The following TRIM28 variants were observed in gnomAD, a reference collection of about 807,000 sequenced individuals.
The protein encoded by TRIM28 is tripartite motif containing 28, also known as transcription intermediary factor 1-beta.
A neutral mutation model predicts 87.4 loss-of-function variants in TRIM28; 8 were observed. The ratio of observed to expected loss-of-function variants is 0.09; its 90% CI spans 0.05 to 0.17. The LOEUF (loss-of-function observed/expected upper bound fraction) is 0.17. Ranked by LOEUF, TRIM28 falls within the 10% of genes least tolerant of loss-of-function variation. The probability of loss-of-function intolerance (pLI) is 1.00; values close to 1 mark genes in which losing one functional copy is unlikely to be tolerated. For missense variants in TRIM28, 968 were observed against 1,131.8 expected, an observed-to-expected ratio of 0.86 and a Z score of 2.08; for synonymous variants, 601 against 454.3, an observed-to-expected ratio of 1.32 and a Z score of -4.11.
chr19:58,549,020 T>G lies in TRIM28; in HGVS notation c.1442T>G (p.Leu481Arg). ...TCAGGTGAGGGCGAGGTGAGCGGCCTTATGCGCAAGGTGCCACGAGTGAGC... is the reference window on the plus strand; with the variant it reads ...TCAGGTGAGGGCGAGGTGAGCGGCCGTATGCGCAAGGTGCCACGAGTGAGC... ...SRSGEGEVSG[L>R]MRKVPRVSLE... The change falls in exon 12 of 17, where the codon CTT becomes CGT. Residue 481 changes from leucine to arginine, a missense_variant. Physicochemically the swap from Leu to Arg is moderately radical, Grantham distance 102 (BLOSUM62 -2). Coordinates refer to ENST00000253024, the MANE Select transcript of TRIM28 (RefSeq NM_005762.3). This position sits in a 1 kb window ranked among gnomAD's most constrained non-coding sequence, Gnocchi z 4.4. 1 of 1,614,044 alleles carries G rather than the reference T, an allele frequency of 6.2e-7. No individual in the cohort carries two copies. Among genetic ancestry groups the G allele is most frequent in the Non-Finnish European group, 8.5e-7 (1 of 1,179,984 alleles).
In TRIM28 at chr19:58,548,899, A is replaced by G; in HGVS notation, c.1398A>G (p.Ser466=). ...ACTCAAGTGCAGAGCCCCATGTGTC[A>G]GGTGTGAAACGGTAAGTATGGCACC... The part of the protein sequence containing the change: ...DPYSSAEPHV[S]GVKRSRSGEG... Residue 466 remains serine, a synonymous_variant, in exon 11 of 17, where the codon TCA becomes TCG. Coordinates refer to ENST00000253024, the MANE Select transcript of TRIM28 (RefSeq NM_005762.3). The G allele has an allele frequency of 1.2e-6, 2 of 1,614,090 alleles. No individual in the cohort carries two copies. The highest frequency in any genetic ancestry group is 1.7e-6 in the Non-Finnish European group (2 of 1,179,998).
At position 58,548,794 on chromosome 19, in the gene TRIM28, G is replaced by A. The variant is rs1271641998; in HGVS notation, c.1360+18G>A. The stretch of plus-strand genomic sequence containing the variant: ...TGGGTCAGGTGAGTGGGTCTGCCTA[G>A]TGGGTGGGGAAGGGCCCCAGTGCTG... On this transcript the variant is annotated intron_variant, in intron 10 of 16. Transcript: ENST00000253024. The A allele has an allele frequency of 6.2e-7, 1 of 1,614,102 alleles. No homozygotes were observed. Among genetic ancestry groups the A allele is most frequent in the Admixed American group, 1.7e-5 (1 of 60,022 alleles).
Position 58,547,368 on chromosome 19 carries a change from C to T in TRIM28, c.587-8C>T, listed in dbSNP as rs908741338. On this transcript the variant is annotated splice_polypyrimidine_tract_variant and splice_region_variant and intron_variant, in intron 3 of 16. Coordinates refer to ENST00000253024, the MANE Select transcript of TRIM28 (RefSeq NM_005762.3). ...GCAAGGTCCAGCCTTATGATTCCCA[C>T]TCCCCAGGGCCAGCCAAGTCTCGGG... is the stretch of plus-strand genomic sequence containing the variant. 1.9e-6 allele frequency: 3 copies of T among 1,612,248 alleles called. No individual in the cohort carries two copies. The highest frequency in any genetic ancestry group is 2.5e-6 in the Non-Finnish European group (3 of 1,178,668).
chr19:58,549,440 G>C lies in TRIM28; in HGVS notation c.1772G>C (p.Arg591Pro). The change falls in exon 13 of 17, where the codon CGC becomes CCC. Residue 591 changes from arginine (R) to proline (P), a missense_variant. Physicochemically the swap from Arg to Pro is moderately radical, Grantham distance 103. This residue lies in a region of TRIM28 where 164 missense variants were observed against 146.2 expected (regional missense o/e 1.12). Coordinates refer to ENST00000253024, the MANE Select transcript of TRIM28 (RefSeq NM_005762.3). This position sits in a 1 kb window ranked among gnomAD's most constrained non-coding sequence, Gnocchi z 4.4. ...LAEGPGAEGPRLASPSGSTSS... is the reference protein window; with the variant it reads ...LAEGPGAEGPPLASPSGSTSS... ...GAGGGTCCTGGTGCTGAGGGTCCCC[G>C]CCTGGCCTCACCTAGTGGCAGCACC... 6.2e-7 allele frequency: 1 copy of C among 1,608,878 alleles called. No homozygotes were observed. The highest frequency in any genetic ancestry group is 8.5e-7 in the Non-Finnish European group (1 of 1,176,204).
At position 58,544,102 on chromosome 19, in the gene TRIM28, G is replaced by A. The variant is rs1210953090; in HGVS notation, c.-656G>A. 3 of 152,544 alleles carry A rather than the reference G, an allele frequency of 2.0e-5. No homozygotes were observed. In the East Asian group the frequency reaches 5.8e-4, roughly 29 times the overall value. 9.4% of individuals were successfully genotyped at this position (152,544 alleles called of 1,614,324 possible). Reference sequence around the variant, plus strand: ...CTGGAGACGACTCTACGGCGGCGAAGAGACGCGGGTTGAGGAAGAGGGACG... The same window carrying A: ...CTGGAGACGACTCTACGGCGGCGAAAAGACGCGGGTTGAGGAAGAGGGACG... On this transcript the variant is annotated 5_prime_UTR_variant, in exon 1 of 17. Transcript: ENST00000253024.
intron 9 of TRIM28, 73 bp downstream of exon 9, chr19:58,548,665 AG>A (rs1324480997): frequency 7.7e-5 from 39 of 506,138 alleles, no homozygotes; most frequent in Middle Eastern, 1.4e-3. Flanking sequence ...GGACCCAGGC[AG>A]GGGGGGTGGG....
rs371739377 is a variant in TRIM28 at position 58,549,351 on chromosome 19, C to T, written c.1683C>T (p.Ala561=). 6.4e-7 allele frequency: 1 copy of T among 1,566,662 alleles called. No homozygotes were observed. The highest frequency in any genetic ancestry group is 1.8e-5 in the Admixed American group (1 of 55,638). Residue 561 remains alanine, a synonymous_variant, in exon 13 of 17, where the codon GCC becomes GCT. Transcript: ENST00000253024. The surrounding 1 kb of genome is among the most constrained non-coding windows in gnomAD (Gnocchi z 4.4). ...AIVKEEETEA[A]IGAPPTATEG... is the part of the protein sequence containing the mutation. Reference sequence around the variant, plus strand: ...TGCAGGAGGAGGAGACGGAGGCTGCCATTGGAGCCCCTCCTACTGCCACTG... The same window carrying T: ...TGCAGGAGGAGGAGACGGAGGCTGCTATTGGAGCCCCTCCTACTGCCACTG...
rs1439568446 is a variant in TRIM28, at chr19:58,549,898, A to G, written c.2106+38A>G. 2 of 1,613,756 alleles carry G rather than the reference A, an allele frequency of 1.2e-6. No individual in the cohort carries two copies. Among genetic ancestry groups the G allele is most frequent in the South Asian group, 1.1e-5 (1 of 91,058 alleles). ...GTTACTTAGGTGGGGTTGCCCAGAG[A>G]GGCTTTATAGGTGCTGCCCAGAGCT... On this transcript the variant is annotated intron_variant, in intron 14 of 16. Coordinates refer to ENST00000253024, the MANE Select transcript of TRIM28 (RefSeq NM_005762.3). The surrounding 1 kb of genome is among the most constrained non-coding windows in gnomAD (Gnocchi z 4.4).
rs752953442 is a variant in TRIM28, at chr19:58,549,262, A to G, written c.1662+22A>G. 46 of 1,607,358 alleles carry G rather than the reference A, an allele frequency of 2.9e-5. No individual in the cohort carries two copies. The highest frequency in any genetic ancestry group is 3.4e-5 in the Non-Finnish European group (40 of 1,175,514). On this transcript the variant is annotated intron_variant, in intron 12 of 16. Coordinates refer to ENST00000253024, the MANE Select transcript of TRIM28 (RefSeq NM_005762.3). This position sits in a 1 kb window ranked among gnomAD's most constrained non-coding sequence, Gnocchi z 4.4. ...CAAGGTAAGCCTGTCCCAAGGAACT[A>G]TAGCTGTAGGATGAAGCCTGTAGTC... is the stretch of plus-strand genomic sequence containing the variant.
chr19:58,544,876 C>G lies in TRIM28; in HGVS notation c.119C>G (p.Ala40Gly), dbSNP rs780330642. ...EKRSTAPSAA[A>G]SASASAAASS... is the part of the protein sequence containing the mutation. ...CGCTCCACCGCCCCTTCGGCCGCAG[C>G]CTCGGCCTCTGCCTCAGCCGCGGCG... Residue 40 changes from alanine to glycine, a missense_variant, in exon 1 of 17, where the codon GCC (alanine) becomes GGC (glycine). Ala to Gly is a moderately conservative substitution (Grantham distance 60, BLOSUM62 0). This residue lies in a region of TRIM28 where 208 missense variants were observed against 170.9 expected (regional missense o/e 1.22). Coordinates refer to ENST00000253024, the MANE Select transcript of TRIM28 (RefSeq NM_005762.3). The G allele has an allele frequency of 3.0e-6, 4 of 1,344,742 alleles. No individual in the cohort carries two copies. The South Asian group carries it at 7.2e-5, about 24-fold the overall frequency. The allele number at this position is 1,344,742 out of a possible 1,614,324, so 83.3% of individuals were successfully genotyped here. A position where few individuals can be genotyped will look rare whatever the true frequency, so the allele number is the denominator to read the frequency against.
rs574014071 is a variant in TRIM28 at position 58,549,890 on chromosome 19, G to T, written c.2106+30G>T. ...GGGCTGGGGTTACTTAGGTGGGGTT[G>T]CCCAGAGAGGCTTTATAGGTGCTGC... is the stretch of plus-strand genomic sequence containing the variant. On this transcript the variant is annotated intron_variant, in intron 14 of 16. Transcript: ENST00000253024. This position sits in a 1 kb window ranked among gnomAD's most constrained non-coding sequence, Gnocchi z 4.4. 6.4e-5 allele frequency: 104 copies of T among 1,613,772 alleles called. 2 individuals are homozygous for T. In the South Asian group the frequency reaches 1.1e-3, roughly 17 times the overall value.
chr19:58,550,617 T>C lies in TRIM28; in HGVS notation c.*64T>C. 6.6e-7 allele frequency: 1 copy of C among 1,516,142 alleles called. No individual in the cohort carries two copies. The highest frequency in any genetic ancestry group is 8.9e-7 in the Non-Finnish European group (1 of 1,125,670). 93.9% of individuals were successfully genotyped at this position (1,516,142 alleles called of 1,614,324 possible). A position where few individuals can be genotyped will look rare whatever the true frequency, so the allele number is the denominator to read the frequency against. ...CTCTGTCCTGTCACCCCATCCCCAC[T>C]CCCCTGGTGGCCTGACTCCCACTCC... On this transcript the variant is annotated 3_prime_UTR_variant, in exon 17 of 17. Transcript: ENST00000253024.
rs1262056286 is a variant in TRIM28, at chr19:58,549,070, A to G, written c.1492A>G (p.Thr498Ala). ...CCTTGAACGCCTGGACCTGGACCTC[A>G]CAGCTGACAGCCAGCCACCCGTCTT... ...VSLERLDLDL[T>A]ADSQPPVFKV... Residue 498 changes from threonine to alanine, a missense_variant, in exon 12 of 17, where the codon ACA becomes GCA. Physicochemically the swap from Thr to Ala is moderately conservative, Grantham distance 58 (BLOSUM62 0). This residue lies in a region of TRIM28 where 23 missense variants were observed against 56.7 expected (regional missense o/e 0.41). Transcript: ENST00000253024. The surrounding 1 kb of genome is among the most constrained non-coding windows in gnomAD (Gnocchi z 4.4). 1 of 1,614,090 alleles carries G rather than the reference A, an allele frequency of 6.2e-7. No homozygotes were observed. Among genetic ancestry groups the G allele is most frequent in the South Asian group, 1.1e-5 (1 of 91,090 alleles).
intron 9 of TRIM28, 38 bp downstream of exon 9, chr19:58,548,630 G>T: frequency 7.2e-7 from 1 of 1,383,576 alleles, no homozygotes; most frequent in Non-Finnish European, 9.7e-7. Flanking sequence ...GGTGGGCAGG[G>T]AATGGGGTCC....
Position 58,548,332 on chromosome 19 carries a change from G to A in TRIM28, c.1140G>A (p.Val380=), listed in dbSNP as rs1471757807. The A allele has an allele frequency of 6.2e-7, 1 of 1,614,044 alleles. No homozygotes were observed. Among genetic ancestry groups the A allele is most frequent in the Non-Finnish European group, 8.5e-7 (1 of 1,180,036 alleles). The change falls in exon 8 of 17, where the codon GTG becomes GTA. Residue 380 remains valine (V), a synonymous_variant. Transcript: ENST00000253024. ...TGCACCGGGCCCTCAAGATGATTGT[G>A]GATCCCGTGGAGCCACATGGCGAGA... The part of the protein sequence containing the change: ...FQLHRALKMI[V]DPVEPHGEMK...
chr19:58,548,272 C>A (rs764133661), intron 7 of TRIM28, 22 bp from the exon 8 acceptor site: 2 of 1,614,002 alleles, frequency 1.2e-6, no homozygotes, highest in Non-Finnish European at 1.7e-6. Context: ...CTCATTCTTT[C>A]CTCCCTTTCA....
rs1289454896 is a variant in TRIM28 at position 58,549,904 on chromosome 19, T to C, written c.2106+44T>C. Reference sequence around the variant, plus strand: ...TAGGTGGGGTTGCCCAGAGAGGCTTTATAGGTGCTGCCCAGAGCTGTGACA... The same window carrying C: ...TAGGTGGGGTTGCCCAGAGAGGCTTCATAGGTGCTGCCCAGAGCTGTGACA... On this transcript the variant is annotated intron_variant, in intron 14 of 16. Transcript: ENST00000253024. This position sits in a 1 kb window ranked among gnomAD's most constrained non-coding sequence, Gnocchi z 4.4. 2 of 1,613,998 alleles carry C rather than the reference T, an allele frequency of 1.2e-6. No individual in the cohort carries two copies. The highest frequency in any genetic ancestry group is 1.7e-6 in the Non-Finnish European group (2 of 1,179,956).
At chr19:58,547,060 G>A (rs928775060) in intron 3 of TRIM28, 5 of 296,270 alleles carry the variant, frequency 1.7e-5, no homozygotes, top group African/African-American at 1.3e-4. Context: ...ACAGTGTGGG[G>A]AAGGGTCAGC....
In TRIM28 at chr19:58,550,050, G is replaced by C. The variant is rs749936640; in HGVS notation, c.2193+15G>C. On this transcript the variant is annotated intron_variant, in intron 15 of 16. Coordinates refer to ENST00000253024, the MANE Select transcript of TRIM28 (RefSeq NM_005762.3). ...CCTTCTCCCTGGTGAGTCCTAGGAT[G>C]GGAAAGGGGAAGGGGGTGGTGGCTG... 5 of 1,613,916 alleles carry C rather than the reference G, an allele frequency of 3.1e-6. No homozygotes were observed. The highest frequency in any genetic ancestry group is 4.2e-6 in the Non-Finnish European group (5 of 1,179,940).
Sources: gnomAD v4.1 joint callset for allele counts on GRCh38, gnomAD v4.1.1 for gene constraint, gnomAD v4.1.1 regional missense constraint, Gnocchi (gnomAD v3.1) non-coding constraint, MANE v1.5 for transcripts, NCBI Gene and HGNC (gene_info 2026-07-23, HGNC 2026-07-21) for gene names.